ZNF839: variants seen among roughly 807,000 people sequenced by gnomAD.
ZNF839 encodes the protein zinc finger protein 839.
Under a neutral mutation model 56.4 loss-of-function variants are expected in ZNF839, and 38 were observed. That is an observed-to-expected ratio of 0.67 (90% CI 0.52 to 0.88). The LOEUF (loss-of-function observed/expected upper bound fraction) is 0.88. ZNF839 is among the 40% of genes least tolerant of loss of function. ZNF839 has a pLI of 0.00. For missense variants in ZNF839, 1,091 were observed against 1,177.6 expected (o/e 0.93, Z 1.08); for synonymous variants, 486 against 493.5 (o/e 0.98, Z 0.20).
At chr14:102,319,015 C>T (rs2072985484), upstream of ZNF839, among the ~76,000 whole-genome samples, 1 of 152,082 alleles carries the variant, frequency 6.6e-6, no homozygotes, top group African/African-American at 2.4e-5. This position sits in a 1 kb window ranked among gnomAD's most constrained non-coding sequence, Gnocchi z 4.5. Flanking sequence ...CTACAAGATT[C>T]GGAGGGCGCA....
chr14:102,327,208 T>C (rs1185610843), intron 2 of ZNF839, among the ~76,000 whole-genome samples: 1 of 152,150 alleles, frequency 6.6e-6, no homozygotes, highest in Non-Finnish European at 1.5e-5. Context: ...TGGCCTGATC[T>C]TGGCTCACTG....
In ZNF839 at chr14:102,331,688, T is replaced by C; in HGVS notation, c.1258T>C (p.Ser420Pro). Residue 420 changes from serine to proline, a missense_variant, in exon 3 of 8, where the codon TCA becomes CCA. By Grantham distance (74) the Ser-to-Pro change is moderately conservative. Coordinates refer to ENST00000442396, the MANE Select transcript of ZNF839 (RefSeq NM_018335.6). ...SEPENGALLR[S>P]ERYQGPRRRA... ...ACCAGAAAATGGAGCTCTTTTGCGA[T>C]CAGAGAGATACCAAGGACCTAGAAG... 1 of 1,612,380 alleles carries C rather than the reference T, an allele frequency of 6.2e-7. No homozygotes were observed. Among genetic ancestry groups the C allele is most frequent in the Non-Finnish European group, 8.5e-7 (1 of 1,179,204 alleles).
chr14:102,321,435 CAT>C (rs2073123119), intron 1 of ZNF839, among the ~76,000 whole-genome samples: 5 of 152,178 alleles, frequency 3.3e-5, no homozygotes, highest in African/African-American at 1.2e-4. Flanking sequence ...CCAAAAATGA[CAT>C]ATTTTTCGTA....
At chr14:102,330,582 T>C (rs1234479423) in intron 2 of ZNF839, among the ~76,000 whole-genome samples, 1 of 149,518 alleles carries the variant, frequency 6.7e-6, no homozygotes, top group Non-Finnish European at 1.5e-5. Context: ...TTGCCCTGGC[T>C]GGAGTGCAGT....
At chr14:102,333,473 A>G (rs146335034) in intron 3 of ZNF839, among the ~76,000 whole-genome samples, 27 of 152,014 alleles carry the variant, frequency 1.8e-4, no homozygotes, top group African/African-American at 4.8e-4. Context: ...ATGTTGTCCA[A>G]GCTGGTCTCG....
chr14:102,333,726 C>T (rs2073894495), intron 3 of ZNF839, among the ~76,000 whole-genome samples: 2 of 152,142 alleles, frequency 1.3e-5, no homozygotes, highest in Admixed American at 6.6e-5. Context: ...CCGTTCAGAC[C>T]TCTCTCTGGT....
intron 7 of ZNF839, chr14:102,341,099 C>T (rs968648535): frequency 1.3e-5 from 4 of 306,828 alleles, no homozygotes; most frequent in South Asian, 1.5e-4. Flanking sequence ...AGCACACTGT[C>T]GATTGGCTCT....
intron 1 of ZNF839, among the ~76,000 whole-genome samples, chr14:102,321,005 CGTT>C (rs1326232573): frequency 6.6e-6 from 1 of 152,226 alleles, no homozygotes; most frequent in East Asian, 1.9e-4. Flanking sequence ...AACCTTCACT[CGTT>C]GAGTTTTTTT....
chr14:102,336,893 C>G (rs756160229), intron 5 of ZNF839: 4 of 204,836 alleles, frequency 2.0e-5, no homozygotes, highest in Admixed American at 1.2e-4. Context: ...GTCACCATGC[C>G]CAGCTAATTT....
rs17100810 is a variant in ZNF839, at chr14:102,332,064, A to G, written c.1416+218A>G. Among the ~76,000 whole-genome samples, 513 of 152,230 alleles carry G rather than the reference A, an allele frequency of 3.4e-3. 8 individuals are homozygous for G. Among genetic ancestry groups the G allele is most frequent in the East Asian group, 0.033 (171 of 5,188 alleles). On this transcript the variant is annotated intron_variant, in intron 3 of 7. Transcript: ENST00000442396. The surrounding 1 kb of genome is among the most constrained non-coding windows in gnomAD (Gnocchi z 4.9). ...GCAGCTCCAAAAGCTGCTTGACTTG[A>G]TAAGTTTTGGAATAATTATAACCTG...
At chr14:102,338,635 G>C (rs940762952) in intron 5 of ZNF839, among the ~76,000 whole-genome samples, 181 bp from the exon 6 acceptor site, 1 of 150,452 alleles carries the variant, frequency 6.6e-6, no homozygotes, top group Non-Finnish European at 1.5e-5. Flanking sequence ...TTTATCATCA[G>C]CTAGTCCATC....
chr14:102,324,215 C>T (rs1023538856), intron 1 of ZNF839, among the ~76,000 whole-genome samples: 1 of 152,066 alleles, frequency 6.6e-6, no homozygotes, highest in African/African-American at 2.4e-5. Context: ...TTATGAATTA[C>T]GTCTGCTTTT....
At chr14:102,322,711 T>C (rs760692867) in intron 1 of ZNF839, among the ~76,000 whole-genome samples, 1 of 152,132 alleles carries the variant, frequency 6.6e-6, no homozygotes, top group Non-Finnish European at 1.5e-5. Flanking sequence ...GCTACATGTA[T>C]GCACCATCAT....
intron 2 of ZNF839, among the ~76,000 whole-genome samples, chr14:102,331,247 C>CT (rs987104817): frequency 5.9e-5 from 9 of 151,536 alleles, no homozygotes; most frequent in Admixed American, 3.9e-4. Context: ...TCAGAGAAAT[C>CT]TTTTTTTTTC....
At chr14:102,339,591 A>G (rs1886264381) in intron 7 of ZNF839, among the ~76,000 whole-genome samples, 1 of 152,018 alleles carries the variant, frequency 6.6e-6, no homozygotes, top group Non-Finnish European at 1.5e-5. Flanking sequence ...CTAAAAATAC[A>G]AAAAAAACTA....
upstream of ZNF839, chr14:102,319,735 G>C (rs1211432101): frequency 8.1e-7 from 1 of 1,227,416 alleles, no homozygotes; most frequent in Non-Finnish European, 1.0e-6. The surrounding 1 kb of genome is among the most constrained non-coding windows in gnomAD (Gnocchi z 4.5). Context: ...GTCGCTCAGC[G>C]ACCCGGGTTC....
At chr14:102,318,574 G>A (rs71415889), upstream of ZNF839, among the ~76,000 whole-genome samples, 15,051 of 151,814 alleles carry the variant, frequency 0.099, 982 homozygotes, top group African/African-American at 0.19. Flanking sequence ...TGGAGGTTGC[G>A]GTGAGCTGAG....
chr14:102,323,151 C>T lies in ZNF839; in HGVS notation c.289-2834C>T, dbSNP rs4906191. 1.1e-4 allele frequency among the ~76,000 whole-genome samples: 17 copies of T among 152,184 alleles called. No individual in the cohort carries two copies. In the South Asian group the frequency reaches 2.9e-3, roughly 26 times the overall value. ...TTGAGTCCAAAGAGGGCCAGTTGGT[C>T]GTCCCAAATAAGTGATTCTCAACCG... On this transcript the variant is annotated intron_variant, in intron 1 of 7. Coordinates refer to ENST00000442396, the MANE Select transcript of ZNF839 (RefSeq NM_018335.6).
chr14:102,337,859 T>C (rs1409008733), intron 5 of ZNF839: 1 of 152,298 alleles, frequency 6.6e-6, no homozygotes, highest in Admixed American at 6.5e-5. Flanking sequence ...TGATACCAGC[T>C]GTCTCTTAGC....
Sources: allele counts gnomAD v4.1 joint callset (sites outside exome capture counted in the v4.1 genomes callset), GRCh38; gene constraint gnomAD v4.1.1; non-coding constraint Gnocchi (gnomAD v3.1); transcripts MANE v1.5; gene names NCBI Gene and HGNC (gene_info 2026-07-23, HGNC 2026-07-21).